CCNY: variants seen among roughly 807,000 people sequenced by gnomAD.
The protein encoded by CCNY is cyclin-Y.
Under a neutral mutation model 42.8 loss-of-function variants are expected in CCNY, and 19 were observed. The ratio of observed to expected loss-of-function variants is 0.44; its 90% CI spans 0.31 to 0.65. The LOEUF (loss-of-function observed/expected upper bound fraction) is 0.65, where lower values mean the gene tolerates loss of function less well. Among genes scored for constraint, CCNY ranks in the 30% least tolerant of loss-of-function variants. The pLI is 0.07. For missense variants in CCNY, 370 were observed against 437.3 expected (o/e 0.85, Z 1.37); for synonymous variants, 165 against 162.7 (o/e 1.01, Z -0.11).
rs978592217 is a variant in CCNY at position 35,272,462 on chromosome 10, C to A, written c.-9+21836C>A. Among the ~76,000 whole-genome samples the A allele has an allele frequency of 2.6e-5, 4 of 152,130 alleles. No homozygotes were observed. In the East Asian group the frequency reaches 7.7e-4, roughly 29 times the overall value. ...CTTCTTCCCACCCTTCACCTCACAC[C>A]CTTTGTGTCCATGTGTTCTCATCAT... is the stretch of plus-strand genomic sequence containing the variant. On this transcript the variant is annotated intron_variant, in intron 3 of 11. Transcript: ENST00000374706.
intron 1 of CCNY, among the ~76,000 whole-genome samples, chr10:35,364,457 T>A (rs1836767243): frequency 6.6e-6 from 1 of 152,242 alleles, no homozygotes; most frequent in Non-Finnish European, 1.5e-5. Flanking sequence ...ATCAGATGTA[T>A]GTTTTTAAAT....
intron 2 of CCNY, among the ~76,000 whole-genome samples, chr10:35,499,433 C>A (rs180760082): frequency 2.3e-3 from 354 of 152,310 alleles, no homozygotes; most frequent in Non-Finnish European, 4.3e-3. Flanking sequence ...CCAGGTCCCT[C>A]CCACAACATG....
At chr10:35,343,033 TA>T (rs1482013140) in intron 1 of CCNY, among the ~76,000 whole-genome samples, 1 of 151,328 alleles carries the variant, frequency 6.6e-6, no homozygotes, top group Non-Finnish European at 1.5e-5. Flanking sequence ...GACAGGGTTT[TA>T]CTCTCTCGCC....
chr10:35,301,413 T>C (rs1374266750), intron 3 of CCNY, among the ~76,000 whole-genome samples: 2 of 152,118 alleles, frequency 1.3e-5, no homozygotes, highest in Non-Finnish European at 2.9e-5. Context: ...ATAGAATTGT[T>C]TATATCCTAC....
At chr10:35,366,019 C>A (rs1247800807) in intron 1 of CCNY, among the ~76,000 whole-genome samples, 1 of 152,176 alleles carries the variant, frequency 6.6e-6, no homozygotes, top group African/African-American at 2.4e-5. Context: ...AGAGTTGTTG[C>A]TGTATCTCAT....
intron 1 of CCNY, among the ~76,000 whole-genome samples, chr10:35,387,060 A>G (rs1449458824): frequency 6.6e-6 from 1 of 152,164 alleles, no homozygotes; most frequent in Non-Finnish European, 1.5e-5. Context: ...AACATACTAC[A>G]CTACTGAGAG....
intron 1 of CCNY, among the ~76,000 whole-genome samples, chr10:35,438,399 T>TC (rs1245658522): frequency 2.0e-5 from 3 of 152,110 alleles, no homozygotes; most frequent in Admixed American, 2.0e-4. Context: ...CAAGTGATCC[T>TC]CCTGCCTCAG....
chr10:35,321,292 T>C (rs190433920), intron 3 of CCNY, among the ~76,000 whole-genome samples: 9 of 152,228 alleles, frequency 5.9e-5, no homozygotes, highest in African/African-American at 2.2e-4. Flanking sequence ...TAAATGGAGA[T>C]ATACTATGTC....
intron 1 of CCNY, among the ~76,000 whole-genome samples, chr10:35,343,380 GTC>G (rs1836227615): frequency 9.0e-6 from 1 of 111,586 alleles, no homozygotes; most frequent in African/African-American, 3.8e-5. Flanking sequence ...AAAGCTGATG[GTC>G]TTTTTTTTTT....
intron 3 of CCNY, among the ~76,000 whole-genome samples, chr10:35,506,901 G>C (rs544173596): frequency 3.3e-5 from 5 of 152,300 alleles, no homozygotes; most frequent in Admixed American, 3.3e-4. Flanking sequence ...TTTTCACATT[G>C]CTCTGACACT....
chr10:35,318,840 A>G (rs1835790145), intron 3 of CCNY, among the ~76,000 whole-genome samples: 1 of 152,140 alleles, frequency 6.6e-6, no homozygotes, highest in African/African-American at 2.4e-5. Flanking sequence ...AAGGAAGGAA[A>G]TAATAAATAC....
chr10:35,549,007 G>A (rs1164848417), intron 7 of CCNY, among the ~76,000 whole-genome samples: 2 of 151,994 alleles, frequency 1.3e-5, no homozygotes, highest in Non-Finnish European at 1.5e-5. Flanking sequence ...TCTGAACACA[G>A]AACAATAATC....
intron 2 of CCNY, among the ~76,000 whole-genome samples, chr10:35,497,898 A>G (rs1375499071): frequency 3.9e-5 from 6 of 152,134 alleles, no homozygotes; most frequent in African/African-American, 1.4e-4. Context: ...GTTAGGACTA[A>G]GGCAGCACCT....
chr10:35,433,561 A>G (rs1420542724), intron 1 of CCNY, among the ~76,000 whole-genome samples: 1 of 152,256 alleles, frequency 6.6e-6, no homozygotes. Flanking sequence ...AGATAAAAAC[A>G]TGGATTTTCT....
chr10:35,470,715 C>T (rs1839375907), intron 1 of CCNY, among the ~76,000 whole-genome samples: 1 of 152,190 alleles, frequency 6.6e-6, no homozygotes, highest in African/African-American at 2.4e-5. Flanking sequence ...CGTGGGAATG[C>T]TGATGTGGGC....
intron 1 of CCNY, among the ~76,000 whole-genome samples, chr10:35,370,378 C>G (rs191198302): frequency 1.3e-5 from 2 of 152,042 alleles, no homozygotes; most frequent in East Asian, 3.9e-4. Context: ...GTCTTGATCT[C>G]CTGACCTTGT....
At chr10:35,492,255 C>T (rs998840689) in intron 2 of CCNY, among the ~76,000 whole-genome samples, 5 of 152,236 alleles carry the variant, frequency 3.3e-5, no homozygotes, top group East Asian at 1.9e-4. Context: ...TGTGGGTCCC[C>T]TCCCCTCCAG....
In CCNY at chr10:35,395,545, C is replaced by G. The variant is rs116362876; in HGVS notation, c.154+58338C>G. ...ATGTCACCTGGGGGGTTGTGGGGGA[C>G]AGTAGAGGACGAGGAACACATCAGA... On this transcript the variant is annotated intron_variant, in intron 1 of 9. Transcript: ENST00000374704. Among the ~76,000 whole-genome samples the G allele has an allele frequency of 4.2e-3, 639 of 150,938 alleles. 2 individuals are homozygous for G. Among genetic ancestry groups the G allele is most frequent in the African/African-American group, 0.015 (618 of 41,012 alleles).
intron 3 of CCNY, among the ~76,000 whole-genome samples, chr10:35,284,351 C>T (rs1241761152): frequency 3.3e-5 from 5 of 152,094 alleles, no homozygotes; most frequent in Non-Finnish European, 4.4e-5. Context: ...TCCCTCATTC[C>T]CAAAGTGTCC....
Sources: gnomAD v4.1 joint callset for allele counts (sites outside exome capture counted in the v4.1 genomes callset) on GRCh38, gnomAD v4.1.1 for gene constraint, MANE v1.5 for transcripts, NCBI Gene and HGNC (gene_info 2026-07-23, HGNC 2026-07-21) for gene names.